SPOCK3: variants seen among roughly 807,000 people sequenced by gnomAD.
The protein encoded by SPOCK3 is testican-3.
SPOCK3 carries 30 observed loss-of-function variants against 56.6 expected under a neutral mutation model. The ratio of observed to expected loss-of-function variants is 0.53; its 90% confidence interval spans 0.40 to 0.72. SPOCK3 has a LOEUF of 0.72. Ranked by LOEUF, SPOCK3 falls within the 30% of genes least tolerant of loss-of-function variation. The probability of loss-of-function intolerance (pLI) is 0.00; values close to 1 mark genes in which losing one functional copy is unlikely to be tolerated. For synonymous variants in SPOCK3, 196 were observed against 183.3 expected, an observed-to-expected ratio of 1.07 and a Z score of -0.56; for missense variants, 527 against 530.0, an observed-to-expected ratio of 0.99 and a Z score of 0.06.
chr4:166,766,799 C>T (rs1738137081), intron 7 of SPOCK3, among the ~76,000 whole-genome samples: 1 of 152,194 alleles, frequency 6.6e-6, no homozygotes. Flanking sequence ...TAGAATTTGG[C>T]TGTGAATCCA....
At chr4:167,210,297 G>A (rs10022799) in intron 2 of SPOCK3, among the ~76,000 whole-genome samples, 36,817 of 151,948 alleles carry the variant, frequency 0.24, 5,256 homozygotes, top group African/African-American at 0.39. Context: ...AACACAGATT[G>A]AGTGTCATGG....
intron 2 of SPOCK3, among the ~76,000 whole-genome samples, chr4:167,197,987 T>C (rs1733129628): frequency 6.6e-6 from 1 of 152,166 alleles, no homozygotes; most frequent in Non-Finnish European, 1.5e-5. Context: ...ATGTCGCTTG[T>C]CTCACTAAAG....
chr4:166,770,007 C>G (rs963687373), intron 7 of SPOCK3, among the ~76,000 whole-genome samples: 3 of 152,168 alleles, frequency 2.0e-5, no homozygotes, highest in African/African-American at 7.2e-5. Context: ...ATATAATCTC[C>G]TGGTGTGCCG....
intron 4 of SPOCK3, among the ~76,000 whole-genome samples, chr4:166,933,463 A>C (rs1490670288): frequency 6.6e-6 from 1 of 152,130 alleles, no homozygotes; most frequent in East Asian, 1.9e-4. Context: ...TGAATGGTTA[A>C]ATTCCTTTCA....
Position 166,846,895 on chromosome 4 carries a change from T to TAA in SPOCK3, c.589+42234_589+42235insTT, listed in dbSNP as rs1748113312. 2.0e-5 allele frequency among the ~76,000 whole-genome samples: 3 copies of TAA among 152,048 alleles called. No homozygotes were observed. The South Asian group carries it at 6.2e-4, about 32-fold the overall frequency. ...TTTCCAAGAAATGTACACAAAACAG[T>TAA]ATCAACCCAGGTAAATGTTCCAAAA... On this transcript the variant is annotated intron_variant, in intron 6 of 10. Coordinates refer to ENST00000357545, the MANE Select transcript of SPOCK3 (RefSeq NM_001040159.2).
At chr4:167,035,202 C>A (rs1752628376) in intron 3 of SPOCK3, among the ~76,000 whole-genome samples, 1 of 152,054 alleles carries the variant, frequency 6.6e-6, no homozygotes, top group Admixed American at 6.6e-5. Flanking sequence ...AAAGCTATTT[C>A]TTCTGTAGAC....
chr4:166,744,858 G>A (rs6832684), intron 8 of SPOCK3, among the ~76,000 whole-genome samples: 70,484 of 151,822 alleles, frequency 0.46, 16,818 homozygotes, highest in African/African-American at 0.51. Context: ...TTTAGTAGCC[G>A]ATTCGATCAA....
At position 166,931,839 on chromosome 4, in the gene SPOCK3, T is replaced by G. The variant is rs76124883; in HGVS notation, c.351-19096A>C. 7.9e-3 allele frequency among the ~76,000 whole-genome samples: 1,203 copies of G among 152,318 alleles called. 14 individuals carry two copies. The highest frequency in any genetic ancestry group is 0.027 in the African/African-American group (1,131 of 41,582). ...GCCAGTATCAGGATCTCAATAGGCA[T>G]TAGGCAGAAAATTGTTGGGGAAATG... is the stretch of plus-strand genomic sequence containing the variant. On this transcript the variant is annotated intron_variant, in intron 4 of 10. Transcript: ENST00000357545.
In SPOCK3 at chr4:167,137,352, G is replaced by A. The variant is rs559137366; in HGVS notation, c.190-74815C>T. ...AAAATAAAGAAATAATAGAACCTGAGTTAATCAAATATCATATAAAATAGG... is the reference window on the plus strand; with the variant it reads ...AAAATAAAGAAATAATAGAACCTGAATTAATCAAATATCATATAAAATAGG... On this transcript the variant is annotated intron_variant, in intron 2 of 10. Coordinates refer to ENST00000357545, the MANE Select transcript of SPOCK3 (RefSeq NM_001040159.2). 4.6e-5 allele frequency among the ~76,000 whole-genome samples: 7 copies of A among 151,934 alleles called. No homozygotes were observed. The South Asian group carries it at 1.5e-3, about 32-fold the overall frequency.
intron 2 of SPOCK3, among the ~76,000 whole-genome samples, chr4:167,164,505 T>G (rs1258062009): frequency 6.6e-6 from 1 of 152,118 alleles, no homozygotes; most frequent in East Asian, 1.9e-4. Context: ...ACATGTGCCA[T>G]GGTGGTTTGC....
At chr4:166,863,833 G>T (rs893072635) in intron 6 of SPOCK3, among the ~76,000 whole-genome samples, 1 of 152,022 alleles carries the variant, frequency 6.6e-6, no homozygotes, top group Non-Finnish European at 1.5e-5. Flanking sequence ...CACAATAATA[G>T]TGAGAGACTT....
intron 4 of SPOCK3, among the ~76,000 whole-genome samples, chr4:166,950,743 C>A (rs1290369993): frequency 6.7e-6 from 1 of 149,954 alleles, no homozygotes; most frequent in Non-Finnish European, 1.5e-5. Context: ...ATCTCTCAGA[C>A]CACAGTGCAA....
chr4:167,119,531 C>T (rs1347771755), intron 2 of SPOCK3, among the ~76,000 whole-genome samples: 4 of 152,090 alleles, frequency 2.6e-5, no homozygotes, highest in African/African-American at 9.7e-5. Context: ...TTTATATCAT[C>T]TCTTAACAAA....
chr4:166,800,474 T>G (rs986147433), intron 6 of SPOCK3, among the ~76,000 whole-genome samples: 11 of 152,068 alleles, frequency 7.2e-5, no homozygotes, highest in African/African-American at 2.4e-4. Flanking sequence ...TCAATGCCCC[T>G]GAAGAGCTTC....
intron 4 of SPOCK3, among the ~76,000 whole-genome samples, chr4:166,927,100 TTTAC>T (rs1325130738): frequency 2.0e-5 from 3 of 152,126 alleles, no homozygotes; most frequent in Non-Finnish European, 4.4e-5. Flanking sequence ...AAAATATGGA[TTTAC>T]TTGTTGGAAG....
chr4:167,216,419 G>T (rs1227734055), intron 2 of SPOCK3, among the ~76,000 whole-genome samples: 1 of 152,102 alleles, frequency 6.6e-6, no homozygotes, highest in African/African-American at 2.4e-5. Context: ...GTGCTTGCAG[G>T]CAGGGAGAAG....
chr4:167,016,202 TGTAA>T (rs577245712), intron 3 of SPOCK3, among the ~76,000 whole-genome samples: 105 of 152,236 alleles, frequency 6.9e-4, no homozygotes, highest in African/African-American at 2.4e-3. Context: ...CAGTTAAGTC[TGTAA>T]GTAGTTTTTG....
At chr4:167,119,684 G>T in intron 2 of SPOCK3, 1 of 755,648 alleles carries the variant, frequency 1.3e-6, no homozygotes, top group Non-Finnish European at 2.1e-6. Flanking sequence ...ATGCATATCA[G>T]AAAAACAACA....
intron 6 of SPOCK3, among the ~76,000 whole-genome samples, chr4:166,853,753 G>A (rs577318881): frequency 3.9e-5 from 6 of 152,128 alleles, no homozygotes; most frequent in East Asian, 1.9e-4. Flanking sequence ...ATGGTGGCAC[G>A]TGCCTGTAAT....
Sources: gnomAD v4.1 joint callset for allele counts (sites outside exome capture counted in the v4.1 genomes callset) on GRCh38, gnomAD v4.1.1 for gene constraint, MANE v1.5 for transcripts, NCBI Gene and HGNC (gene_info 2026-07-23, HGNC 2026-07-21) for gene names.